The following EIF2AK1 variants were observed in gnomAD, a reference collection of about 807,000 sequenced individuals.
The protein encoded by EIF2AK1 is eukaryotic translation initiation factor 2-alpha kinase 1.
In EIF2AK1, 54 loss-of-function variants were observed where a neutral mutation model predicts 77.9. The observed-to-expected ratio is 0.69, with a 90% confidence interval of 0.56 to 0.87. The LOEUF (loss-of-function observed/expected upper bound fraction) is 0.87. EIF2AK1 is among the 40% of genes least tolerant of loss of function. EIF2AK1 has a pLI of 0.00. For synonymous variants in EIF2AK1, 314 were observed against 290.5 expected (o/e 1.08, Z -0.82); for missense variants, 810 against 768.6 (o/e 1.05, Z -0.64).
chr7:6,043,098 C>A, intron 7 of EIF2AK1, 105 bp from the exon 8 acceptor site: 1 of 1,137,202 alleles, frequency 8.8e-7, no homozygotes, highest in Non-Finnish European at 1.3e-6. Context: ...GACTACAAGT[C>A]TAAAAATGTC....
At position 6,032,787 on chromosome 7, in the gene EIF2AK1, T is replaced by C. The variant is rs890019187; in HGVS notation, c.1333-3755A>G. ...TGAAACGGCAAGCTAACACAAACAG[T>C]ATTTTTAACTACACAGGGCCACTTG... On this transcript the variant is annotated intron_variant, in intron 11 of 14. Transcript: ENST00000199389. The surrounding 1 kb of genome is among the most constrained non-coding windows in gnomAD (Gnocchi z 4.3). 1 of 1,427,338 alleles carries C rather than the reference T, an allele frequency of 7.0e-7. No homozygotes were observed. Among genetic ancestry groups the C allele is most frequent in the Non-Finnish European group, 9.6e-7 (1 of 1,038,716 alleles). The allele number at this position is 1,427,338 out of a possible 1,614,324, so 88.4% of individuals were successfully genotyped here.
intron 6 of EIF2AK1, among the ~76,000 whole-genome samples, chr7:6,045,197 C>T (rs769345205): frequency 6.6e-6 from 1 of 151,448 alleles, no homozygotes; most frequent in Non-Finnish European, 1.5e-5. Flanking sequence ...AATCACTTTG[C>T]TGGGTTCAAG....
rs370941772 is a variant in EIF2AK1, at chr7:6,023,391, T to G, written c.*1282A>C. The G allele has an allele frequency of 7.4e-6, 12 of 1,614,088 alleles. No homozygotes were observed. The highest frequency in any genetic ancestry group is 8.5e-6 in the Non-Finnish European group (10 of 1,180,046). Reference sequence around the variant, plus strand: ...TTGCACGTTTCTTGTTCTCTCTGTTTGGCCAGAAGCATAATGCTGTCAACG... The same window carrying G: ...TTGCACGTTTCTTGTTCTCTCTGTTGGGCCAGAAGCATAATGCTGTCAACG... On this transcript the variant is annotated 3_prime_UTR_variant, in exon 15 of 15. Transcript: ENST00000199389.
chr7:6,037,667 G>T, intron 10 of EIF2AK1, 143 bp from the exon 11 acceptor site: 2 of 633,598 alleles, frequency 3.2e-6, no homozygotes, highest in South Asian at 2.1e-5. Flanking sequence ...GCTGCAGAAT[G>T]GTCTAAAACC....
chr7:6,052,584 TAAAAAA>T (rs56106343), intron 2 of EIF2AK1, among the ~76,000 whole-genome samples: 6,771 of 97,134 alleles, frequency 0.07, 210 homozygotes, highest in South Asian at 0.13. Flanking sequence ...ACTGTTTTGG[TAAAAAA>T]AAAAAAAAAA....
intron 11 of EIF2AK1, 39 bp from the exon 12 acceptor site, chr7:6,029,071 T>G (rs182610136): frequency 3.1e-5 from 45 of 1,461,954 alleles, no homozygotes; most frequent in Non-Finnish European, 4.3e-5. Flanking sequence ...TTGGCTTTCT[T>G]AAAACAAATA....
chr7:6,047,602 G>A (rs1433350373), intron 4 of EIF2AK1: 1 of 173,812 alleles, frequency 5.8e-6, no homozygotes, highest in Non-Finnish European at 1.2e-5. Flanking sequence ...GAACCCAGGA[G>A]GCAGAGATTG....
chr7:6,056,561 TC>T (rs1788768181), intron 1 of EIF2AK1, among the ~76,000 whole-genome samples: 1 of 127,010 alleles, frequency 7.9e-6, no homozygotes, highest in Non-Finnish European at 1.6e-5. Context: ...GCGACTGCAC[TC>T]CAGCCTGGGC....
Position 6,024,363 on chromosome 7 carries a change from T to G in EIF2AK1, c.*310A>C. 8.5e-7 allele frequency: 1 copy of G among 1,173,386 alleles called. No homozygotes were observed. The highest frequency in any genetic ancestry group is 1.0e-6 in the Non-Finnish European group (1 of 953,894). The allele number at this position is 1,173,386 out of a possible 1,614,324, so 72.7% of individuals were successfully genotyped here. A position where few individuals can be genotyped will look rare whatever the true frequency, so the allele number is the denominator to read the frequency against. ...CAGTGACGAGGGCAGGGAGCACACA[T>G]CAATTTCTGCGGTACCTTCTAGAGG... On this transcript the variant is annotated 3_prime_UTR_variant, in exon 15 of 15. Coordinates refer to ENST00000199389, the MANE Select transcript of EIF2AK1 (RefSeq NM_014413.4).
intron 11 of EIF2AK1, among the ~76,000 whole-genome samples, chr7:6,030,205 G>A (rs1396021708): frequency 6.6e-6 from 1 of 152,212 alleles, no homozygotes; most frequent in East Asian, 1.9e-4. Context: ...TTTCATTACT[G>A]GGAAATCCAA....
rs1033726052 is a variant in EIF2AK1 at position 6,032,070 on chromosome 7, C to T, written c.1333-3038G>A. Among the ~76,000 whole-genome samples the T allele has an allele frequency of 2.6e-5, 4 of 152,110 alleles. No individual in the cohort carries two copies. In the East Asian group the frequency reaches 5.8e-4, roughly 22 times the overall value. On this transcript the variant is annotated intron_variant, in intron 11 of 14. Coordinates refer to ENST00000199389, the MANE Select transcript of EIF2AK1 (RefSeq NM_014413.4). This position sits in a 1 kb window ranked among gnomAD's most constrained non-coding sequence, Gnocchi z 4.3. ...GAGCCTGTAATCTCAGCTACTCGGA[C>T]GGCTGAGGCAGGAGAATTGCTTGAA...
In EIF2AK1 at chr7:6,032,370, C is replaced by T. The variant is rs1787939009; in HGVS notation, c.1333-3338G>A. On this transcript the variant is annotated intron_variant, in intron 11 of 14. Transcript: ENST00000199389. This position sits in a 1 kb window ranked among gnomAD's most constrained non-coding sequence, Gnocchi z 4.3. ...TGTGTATTTTAAGAGCTGGCACAAACAGCTCTGCTAATCATAGACAGAACA... is the reference window on the plus strand; with the variant it reads ...TGTGTATTTTAAGAGCTGGCACAAATAGCTCTGCTAATCATAGACAGAACA... 6.6e-6 allele frequency among the ~76,000 whole-genome samples: 1 copy of T among 152,172 alleles called. No individual in the cohort carries two copies. The highest frequency in any genetic ancestry group is 6.5e-5 in the Admixed American group (1 of 15,278).
Position 6,024,734 on chromosome 7 carries a change from AG to A in EIF2AK1, c.1831del (p.Leu611Ter). The A allele has an allele frequency of 6.2e-7, 1 of 1,605,666 alleles. No homozygotes were observed. The highest frequency in any genetic ancestry group is 8.5e-7 in the Non-Finnish European group (1 of 1,177,594). On this transcript the variant is annotated frameshift_variant, in exon 15 of 15. Coordinates refer to ENST00000199389, the MANE Select transcript of EIF2AK1 (RefSeq NM_014413.4). LOFTEE classifies it low-confidence loss of function (END_TRUNC). ...CCCTTTGTCTTGAGAAAGGAGGTTT[AG>A]CTGCTTCTTTAGTTCTGCAATTTCT... ...EKEIAELKKQ[L>X]NLLSQDKGVR...
chr7:6,035,577 C>T lies in EIF2AK1; in HGVS notation c.1332+1847G>A, dbSNP rs1049897968. 3.1e-5 allele frequency: 48 copies of T among 1,550,960 alleles called. No individual in the cohort carries two copies. Among genetic ancestry groups the T allele is most frequent in the East Asian group, 1.5e-4 (6 of 40,936 alleles). On this transcript the variant is annotated intron_variant, in intron 11 of 14. Transcript: ENST00000199389. The surrounding 1 kb of genome is among the most constrained non-coding windows in gnomAD (Gnocchi z 5.5). Reference sequence around the variant, plus strand: ...TCAGAATAGCAGCATCACATGTCTCCGCATCTTGTGTGCGCACGGAGCTCA... The same window carrying T: ...TCAGAATAGCAGCATCACATGTCTCTGCATCTTGTGTGCGCACGGAGCTCA...
chr7:6,059,079 T>A lies in EIF2AK1; in HGVS notation c.5A>T (p.Gln2Leu), dbSNP rs1223867197. The A allele has an allele frequency of 1.4e-6, 2 of 1,401,952 alleles. No individual in the cohort carries two copies. The highest frequency in any genetic ancestry group is 1.8e-6 in the Non-Finnish European group (2 of 1,086,338). 86.8% of individuals were successfully genotyped at this position (1,401,952 alleles called of 1,614,324 possible). The change falls in exon 1 of 15, where the codon CAG becomes CTG. Residue 2 changes from glutamine to leucine, a missense_variant. Gln to Leu is a moderately radical substitution (Grantham distance 113). Coordinates refer to ENST00000199389, the MANE Select transcript of EIF2AK1 (RefSeq NM_014413.4). ...CTTGCGGACCCCGGAGTTGCCCCCC[T>A]GCATCGCCGGCCGCGCGCGGGCCGC... M[Q>L]GGNSGVRKRE...
At chr7:6,041,647 C>T (rs1788300930) in intron 8 of EIF2AK1, among the ~76,000 whole-genome samples, 1 of 152,002 alleles carries the variant, frequency 6.6e-6, no homozygotes, top group Non-Finnish European at 1.5e-5. Flanking sequence ...CGAGACCAGC[C>T]TGGCCAATAT....
intron 14 of EIF2AK1, chr7:6,026,364 G>A (rs555783241): frequency 4.3e-6 from 2 of 465,126 alleles, no homozygotes; most frequent in Admixed American, 5.1e-5. Context: ...ATGAGAAGGT[G>A]CAAACCCTGC....
Position 6,026,569 on chromosome 7 carries a change from T to C in EIF2AK1, c.1764+159A>G, listed in dbSNP as rs561055231. On this transcript the variant is annotated intron_variant, in intron 14 of 14. Transcript: ENST00000199389. The stretch of plus-strand genomic sequence containing the variant: ...CCTGCCAGCACACCCTGCAGCTGAG[T>C]GCCAGGAAGTGGACGAGAACAAACA... 8.3e-6 allele frequency: 6 copies of C among 722,578 alleles called. 1 individual carries two copies. The highest frequency in any genetic ancestry group is 3.5e-5 in the African/African-American group (2 of 57,404). 44.8% of individuals were successfully genotyped at this position (722,578 alleles called of 1,614,324 possible).
intron 7 of EIF2AK1, among the ~76,000 whole-genome samples, chr7:6,044,261 G>A (rs1031151880): frequency 3.3e-5 from 5 of 151,466 alleles, no homozygotes; most frequent in African/African-American, 4.9e-5. Flanking sequence ...TCAGGAGATC[G>A]AGACCATCCT....
Sources: gnomAD v4.1 joint callset for allele counts (sites outside exome capture counted in the v4.1 genomes callset) on GRCh38, gnomAD v4.1.1 for gene constraint, Gnocchi (gnomAD v3.1) non-coding constraint, MANE v1.5 for transcripts, NCBI Gene and HGNC (gene_info 2026-07-23, HGNC 2026-07-21) for gene names.